The following PWWP3B variants were observed in gnomAD, a reference collection of about 807,000 sequenced individuals.
PWWP3B encodes the protein PWWP domain containing 3B, also known as PWWP domain-containing DNA repair factor 3B.
Under a neutral mutation model 15.7 loss-of-function variants are expected in PWWP3B, and 5 were observed. The observed-to-expected ratio is 0.32, with a 90% CI of 0.17 to 0.67. PWWP3B has a LOEUF of 0.67. PWWP3B is among the 30% of genes least tolerant of loss of function. The pLI is 0.74. For missense variants in PWWP3B, 519 were observed against 493.1 expected (o/e 1.05, Z -0.50); for synonymous variants, 203 against 179.8 (o/e 1.13, Z -1.03).
chrX:106,176,522 T>C (rs1299138001), intron 2 of PWWP3B, among the ~76,000 whole-genome samples: 1 of 112,049 alleles, frequency 8.9e-6, no homozygotes, highest in Non-Finnish European at 1.9e-5. Context: ...AATTATACTC[T>C]CAGAACATTG....
At position 106,206,980 on chromosome X, in the gene PWWP3B, G is replaced by A. The variant is rs1602879331; in HGVS notation, c.1548G>A (p.Lys516=). The A allele has an allele frequency of 8.3e-7, 1 of 1,210,922 alleles. No individual in the cohort carries two copies. The highest frequency in any genetic ancestry group is 1.8e-5 in the South Asian group (1 of 56,823). Residue 516 remains lysine, a synonymous_variant, in exon 4 of 4, where the codon AAG becomes AAA. Coordinates refer to ENST00000357175, the MANE Select transcript of PWWP3B (RefSeq NM_001171020.2). ...ATACTTTCAGGAACAAATTTCCAAA[G>A]CTGCATAATGAAGATGCCAGGGAAC... The part of the protein sequence containing the change: ...KQDTFRNKFP[K]LHNEDAREPM...
At chrX:106,180,836 C>T in intron 2 of PWWP3B, among the ~76,000 whole-genome samples, 1 of 112,048 alleles carries the variant, frequency 8.9e-6, no homozygotes, top group Non-Finnish European at 1.9e-5. Flanking sequence ...CTTAAATTGT[C>T]ACTGAACTTT....
intron 2 of PWWP3B, among the ~76,000 whole-genome samples, chrX:106,181,650 A>G (rs1922211091): frequency 9.0e-6 from 1 of 111,709 alleles, no homozygotes; most frequent in Non-Finnish European, 1.9e-5. Context: ...GCTGTTAGGA[A>G]TTGGGCAATG....
intron 2 of PWWP3B, among the ~76,000 whole-genome samples, chrX:106,201,437 G>C (rs1923701705): frequency 8.9e-6 from 1 of 112,606 alleles, no homozygotes; most frequent in South Asian, 3.7e-4. Flanking sequence ...AATATGTAAG[G>C]AATATTAGTA....
At chrX:106,175,966 G>C (rs1381397533) in intron 2 of PWWP3B, among the ~76,000 whole-genome samples, 1 of 111,668 alleles carries the variant, frequency 9.0e-6, no homozygotes, top group Non-Finnish European at 1.9e-5. Context: ...AAACTGGATA[G>C]ATAGATATAA....
At chrX:106,184,190 T>A (rs1323670956) in intron 2 of PWWP3B, among the ~76,000 whole-genome samples, 1 of 111,368 alleles carries the variant, frequency 9.0e-6, no homozygotes, top group Non-Finnish European at 1.9e-5. Context: ...GGTTTAATAA[T>A]GCCTCCAGAT....
chrX:106,206,519 C>T lies in PWWP3B; in HGVS notation c.1087C>T (p.Arg363Cys). ...CTCTGACAAGTCATTGCTTCCAAGTCGCATTAATCTTTCTCTATTAGATGA... is the reference window on the plus strand; with the variant it reads ...CTCTGACAAGTCATTGCTTCCAAGTTGCATTAATCTTTCTCTATTAGATGA... ...QASDKSLLPS[R>C]INLSLLDDDE... Residue 363 changes from arginine to cysteine, a missense_variant, in exon 4 of 4, where the codon CGC (arginine) becomes TGC (cysteine). Arg to Cys is a radical substitution (Grantham distance 180, BLOSUM62 -3). Transcript: ENST00000357175. 1 of 1,206,680 alleles carries T rather than the reference C, an allele frequency of 8.3e-7. No individual in the cohort carries two copies. The highest frequency in any genetic ancestry group is 1.1e-6 in the Non-Finnish European group (1 of 893,333).
chrX:106,202,360 C>T (rs1010281958), intron 2 of PWWP3B, among the ~76,000 whole-genome samples: 3 of 111,931 alleles, frequency 2.7e-5, no homozygotes, highest in African/African-American at 9.8e-5. Flanking sequence ...TAAACTATTT[C>T]AGCATCTTTA....
chrX:106,188,244 GCC>G (rs746230959), intron 2 of PWWP3B, among the ~76,000 whole-genome samples: 2 of 110,330 alleles, frequency 1.8e-5, no homozygotes, highest in African/African-American at 6.6e-5. Flanking sequence ...TGTTGTAGGT[GCC>G]CCCCCCATGT....
intron 2 of PWWP3B, among the ~76,000 whole-genome samples, chrX:106,191,535 C>T (rs1285696375): frequency 9.0e-6 from 1 of 110,998 alleles, no homozygotes; most frequent in Non-Finnish European, 1.9e-5. Flanking sequence ...TCTTTATTTC[C>T]TTCTCCTGCC....
intron 1 of PWWP3B, among the ~76,000 whole-genome samples, chrX:106,169,490 A>G (rs1157313082): frequency 1.8e-5 from 2 of 111,637 alleles, no homozygotes; most frequent in African/African-American, 6.5e-5. Flanking sequence ...CACTTTTGTT[A>G]CAGACACTTG....
At chrX:106,190,464 A>G (rs1267023810) in intron 2 of PWWP3B, among the ~76,000 whole-genome samples, 10 of 111,085 alleles carry the variant, frequency 9.0e-5, no homozygotes, top group Non-Finnish European at 1.9e-4. Context: ...AGATGAGTAG[A>G]TTGCAAAAAT....
At chrX:106,191,945 G>T (rs911775486) in intron 2 of PWWP3B, among the ~76,000 whole-genome samples, 3 of 111,750 alleles carry the variant, frequency 2.7e-5, no homozygotes. Context: ...CGATTTGCCA[G>T]TATTTTTTTG....
intron 2 of PWWP3B, among the ~76,000 whole-genome samples, chrX:106,179,428 G>A (rs764193874): frequency 2.7e-5 from 3 of 112,331 alleles, no homozygotes; most frequent in East Asian, 2.8e-4. Flanking sequence ...AAAATAGATG[G>A]CATCTACATC....
chrX:106,171,188 G>A (rs1921594386), intron 2 of PWWP3B, 49 bp downstream of exon 2: 1 of 111,724 alleles, frequency 9.0e-6, no homozygotes, highest in Non-Finnish European at 1.9e-5. Flanking sequence ...GTATAAACAT[G>A]TTGAGAACTT....
chrX:106,201,220 A>G (rs1923688136), intron 2 of PWWP3B, among the ~76,000 whole-genome samples: 2 of 112,141 alleles, frequency 1.8e-5, no homozygotes, highest in Non-Finnish European at 3.8e-5. Flanking sequence ...AGGGTTTTAG[A>G]GAAGAACTGA....
chrX:106,206,039 A>G lies in PWWP3B; in HGVS notation c.607A>G (p.Asn203Asp), dbSNP rs753420975. The G allele has an allele frequency of 1.7e-6, 2 of 1,209,492 alleles. No homozygotes were observed. The highest frequency in any genetic ancestry group is 3.0e-5 in the East Asian group (1 of 33,815). ...GACTTTCCCTTCACTTTCGGAAGAT[A>G]ATGATGAAAAAGAGAACAAGAATAA... is the stretch of plus-strand genomic sequence containing the variant. Reference protein sequence around the residue: ...CETFPSLSEDNDEKENKNKID... With the variant: ...CETFPSLSEDDDEKENKNKID... Residue 203 changes from asparagine (N) to aspartate (D), a missense_variant, in exon 4 of 4, where the codon AAT becomes GAT. Asn to Asp is a conservative substitution (Grantham distance 23, BLOSUM62 1). Coordinates refer to ENST00000357175, the MANE Select transcript of PWWP3B (RefSeq NM_001171020.2).
chrX:106,207,748 T>C lies in PWWP3B; in HGVS notation c.*225T>C. On this transcript the variant is annotated 3_prime_UTR_variant, in exon 4 of 4. Transcript: ENST00000357175. ...TCAACATATTTCAGCAGTTCTACTTTCCCGTACATTTTTTAGAAAGCATAA... is the reference window on the plus strand; with the variant it reads ...TCAACATATTTCAGCAGTTCTACTTCCCCGTACATTTTTTAGAAAGCATAA... The C allele has an allele frequency of 3.1e-6, 1 of 326,589 alleles. No individual in the cohort carries two copies. Among genetic ancestry groups the C allele is most frequent in the Non-Finnish European group, 5.4e-6 (1 of 183,584 alleles). The allele number at this position is 326,589 out of a possible 1,213,427, so 26.9% of individuals were successfully genotyped here.
At chrX:106,195,406 T>G (rs1923315093) in intron 2 of PWWP3B, among the ~76,000 whole-genome samples, 1 of 111,903 alleles carries the variant, frequency 8.9e-6, no homozygotes, top group African/African-American at 3.2e-5. Context: ...AATAAATCTT[T>G]GCCTAGACCA....
Sources: gnomAD v4.1 joint callset for allele counts (sites outside exome capture counted in the v4.1 genomes callset) on GRCh38, gnomAD v4.1.1 for gene constraint, MANE v1.5 for transcripts, NCBI Gene and HGNC (gene_info 2026-07-23, HGNC 2026-07-21) for gene names.